The following SEMA4B variants were observed in gnomAD, a reference collection of about 807,000 sequenced individuals.
SEMA4B encodes the protein semaphorin-4B.
In SEMA4B, 55 loss-of-function variants were observed where a neutral mutation model predicts 88.1. The ratio of observed to expected loss-of-function variants is 0.62; its 90% CI spans 0.50 to 0.78. The LOEUF is 0.78. Among genes scored for constraint, SEMA4B ranks in the 30% least tolerant of loss-of-function variants. SEMA4B has a pLI of 0.00. For synonymous variants in SEMA4B, 525 were observed against 473.6 expected (o/e 1.11, Z -1.41); for missense variants, 1,062 against 1,111.9 (o/e 0.96, Z 0.64).
chr15:90,200,677 G>T (rs140303600), upstream of SEMA4B, among the ~76,000 whole-genome samples: 3 of 152,288 alleles, frequency 2.0e-5, no homozygotes, highest in East Asian at 5.8e-4. Flanking sequence ...TGCAGGTTGT[G>T]AAGGTTTTAC....
chr15:90,226,723 G>A (rs1433702417), intron 12 of SEMA4B, among the ~76,000 whole-genome samples: 3 of 152,164 alleles, frequency 2.0e-5, no homozygotes, highest in African/African-American at 4.8e-5. Context: ...CCTGGTGTCA[G>A]TTTTTACAAA....
At chr15:90,194,425 G>C (rs904162486) in intron 1 of SEMA4B, among the ~76,000 whole-genome samples, 1 of 151,992 alleles carries the variant, frequency 6.6e-6, no homozygotes, top group Non-Finnish European at 1.5e-5. Context: ...CCAGCTACTC[G>C]GGAGGCTGAG....
At chr15:90,189,080 A>G (rs545971765) in intron 1 of SEMA4B, among the ~76,000 whole-genome samples, 2 of 152,242 alleles carry the variant, frequency 1.3e-5, no homozygotes, top group South Asian at 4.1e-4. Flanking sequence ...GAAGGCAGCA[A>G]GTGCACAAGA....
At chr15:90,200,395 A>C (rs2151591343), upstream of SEMA4B, among the ~76,000 whole-genome samples, 1 of 152,378 alleles carries the variant, frequency 6.6e-6, no homozygotes, top group African/African-American at 2.4e-5. Context: ...TCCTGTGCAC[A>C]CTTAGGAAAA....
At chr15:90,208,074 T>C (rs1961078962) in intron 1 of SEMA4B, among the ~76,000 whole-genome samples, 2 of 152,100 alleles carry the variant, frequency 1.3e-5, no homozygotes, top group Admixed American at 1.3e-4. Context: ...GCCAACGTGG[T>C]GAAACCCCAT....
At chr15:90,195,824 G>C (rs1365962008) in intron 1 of SEMA4B, among the ~76,000 whole-genome samples, 2 of 151,774 alleles carry the variant, frequency 1.3e-5, no homozygotes, top group African/African-American at 4.8e-5. Flanking sequence ...TGCCCAGGTT[G>C]GTCCCGAACC....
Position 90,223,934 on chromosome 15 carries a change from GA to G in SEMA4B, c.1141del (p.Thr381HisfsTer7). 3 of 1,613,818 alleles carry G rather than the reference GA, an allele frequency of 1.9e-6. No homozygotes were observed. The highest frequency in any genetic ancestry group is 2.5e-6 in the Non-Finnish European group (3 of 1,179,896). On this transcript the variant is annotated frameshift_variant, in exon 9 of 14. Transcript: ENST00000411539. LOFTEE classifies it high-confidence loss of function. ...GCCTCTACAAGGAGGTGAACCGTGA[GA>G]CACAGCAGTGGTACACCGTGACCCA... Reference protein sequence around the residue: ...SGLYKEVNRETQQWYTVTHPV... With the variant: ...SGLYKEVNREXQQWYTVTHPV...
At chr15:90,194,885 A>G (rs1472419259) in intron 1 of SEMA4B, among the ~76,000 whole-genome samples, 2 of 152,220 alleles carry the variant, frequency 1.3e-5, no homozygotes, top group Non-Finnish European at 1.5e-5. Flanking sequence ...TAAGTTGTAG[A>G]CATCGTGACA....
At position 90,221,732 on chromosome 15, in the gene SEMA4B, C is replaced by T. The variant is rs1427866987; in HGVS notation, c.828C>T (p.Asn276=). The T allele has an allele frequency of 1.9e-6, 3 of 1,613,808 alleles. No homozygotes were observed. The highest frequency in any genetic ancestry group is 2.5e-6 in the Non-Finnish European group (3 of 1,179,894). ...ETGQEFEFFE[N]TIVSRIARIC... The stretch of plus-strand genomic sequence containing the variant: ...GCCAGGAATTTGAGTTCTTTGAGAA[C>T]ACCATTGTGTCCCGCATTGCCCGCA... The change falls in exon 7 of 14, where the codon AAC becomes AAT. Residue 276 remains asparagine (N), a synonymous_variant. Transcript: ENST00000411539.
intron 1 of SEMA4B, among the ~76,000 whole-genome samples, chr15:90,189,510 G>A (rs1001453873): frequency 6.6e-6 from 1 of 152,086 alleles, no homozygotes; most frequent in African/African-American, 2.4e-5. Flanking sequence ...GTAAAAATTT[G>A]GCACAATCCT....
At chr15:90,215,589 A>G (rs556609298) in intron 1 of SEMA4B, among the ~76,000 whole-genome samples, 1 of 152,340 alleles carries the variant, frequency 6.6e-6, no homozygotes, top group African/African-American at 2.4e-5. Context: ...AGGCAGGCGG[A>G]TTGCTTGAAG....
In SEMA4B at chr15:90,189,582, T is replaced by A. The variant is rs940036691; in HGVS notation, c.-122+4501T>A. On this transcript the variant is annotated intron_variant, in intron 1 of 14. Transcript: ENST00000332496. Reference sequence around the variant, plus strand: ...ATATAAATGTCAACTTTGATGTAGCTGGAAAGAATTTGCCAAATATTTCAT... The same window carrying A: ...ATATAAATGTCAACTTTGATGTAGCAGGAAAGAATTTGCCAAATATTTCAT... 2.0e-5 allele frequency among the ~76,000 whole-genome samples: 3 copies of A among 152,244 alleles called. No homozygotes were observed. In the East Asian group the frequency reaches 5.8e-4, roughly 29 times the overall value.
Position 90,229,620 on chromosome 15 carries a change from T to G in SEMA4B, c.*977T>G. ...TATACATTTTTTAATAAGATGCACTTTATGTCATTTTTTAATAAAGTCTGA... is the reference window on the plus strand; with the variant it reads ...TATACATTTTTTAATAAGATGCACTGTATGTCATTTTTTAATAAAGTCTGA... On this transcript the variant is annotated 3_prime_UTR_variant, in exon 14 of 14. Transcript: ENST00000411539. 3.0e-6 allele frequency: 1 copy of G among 334,570 alleles called. No homozygotes were observed. The highest frequency in any genetic ancestry group is 5.9e-6 in the Non-Finnish European group (1 of 170,376). 20.7% of individuals were successfully genotyped at this position (334,570 alleles called of 1,614,324 possible).
Position 90,201,372 on chromosome 15 carries a change from C to T in SEMA4B, c.-207C>T. 8.0e-7 allele frequency: 1 copy of T among 1,250,832 alleles called. No individual in the cohort carries two copies. Among genetic ancestry groups the T allele is most frequent in the Non-Finnish European group, 1.0e-6 (1 of 998,038 alleles). The allele number at this position is 1,250,832 out of a possible 1,614,324, so 77.5% of individuals were successfully genotyped here. ...GCCCAAGCCGAGGCTGCGGGGCCGG[C>T]GCCGGCGGGAGGACTGCGGTGCCCC... On this transcript the variant is annotated 5_prime_UTR_variant, in exon 1 of 14. Transcript: ENST00000411539.
intron 1 of SEMA4B, among the ~76,000 whole-genome samples, chr15:90,202,201 C>G (rs1160581025): frequency 6.6e-6 from 1 of 152,266 alleles, no homozygotes; most frequent in East Asian, 1.9e-4. Context: ...GCCCGATCCT[C>G]CCTCTCCGCC....
chr15:90,190,506 G>C (rs1960311990), intron 1 of SEMA4B: 2 of 152,464 alleles, frequency 1.3e-5, no homozygotes, highest in Non-Finnish European at 2.9e-5. Context: ...TCCAGGGTCA[G>C]AGAGCTCCTC....
chr15:90,227,923 AG>A lies in SEMA4B; in HGVS notation c.1795del (p.Val599SerfsTer8). 6.2e-7 allele frequency: 1 copy of A among 1,612,766 alleles called. No homozygotes were observed. Among genetic ancestry groups the A allele is most frequent in the Non-Finnish European group, 8.5e-7 (1 of 1,179,852 alleles). On this transcript the variant is annotated frameshift_variant, in exon 14 of 14. Transcript: ENST00000411539. LOFTEE classifies it high-confidence loss of function. ...VPTGEKPCEQVQFQPNTVNTL... is the reference protein window; with the variant it reads ...VPTGEKPCEQXQFQPNTVNTL... ...CTACAGGGGAGAAGCCATGTGAGCA[AG>A]TCCAGTTCCAGCCCAACACAGTGAA...
At chr15:90,193,873 A>C (rs1478052762) in intron 1 of SEMA4B, among the ~76,000 whole-genome samples, 1 of 139,954 alleles carries the variant, frequency 7.1e-6, no homozygotes, top group Non-Finnish European at 1.5e-5. Flanking sequence ...GGTCGGGGGG[A>C]CGGAGTTTCA....
chr15:90,190,731 GTGTC>G (rs1323140905), intron 1 of SEMA4B, among the ~76,000 whole-genome samples: 5 of 152,106 alleles, frequency 3.3e-5, no homozygotes, highest in South Asian at 2.1e-4. Context: ...GTGTCTGTGT[GTGTC>G]TGTGTGTGTC....
Sources: gnomAD v4.1 joint callset for allele counts (sites outside exome capture counted in the v4.1 genomes callset) on GRCh38, gnomAD v4.1.1 for gene constraint, MANE v1.5 for transcripts, NCBI Gene and HGNC (gene_info 2026-07-23, HGNC 2026-07-21) for gene names.